Variants in ARHGAP24 observed in about 807,000 individuals in gnomAD.
ARHGAP24 encodes Rho GTPase activating protein 24, also known as rho GTPase-activating protein 24.
Under a neutral mutation model 76.4 loss-of-function variants are expected in ARHGAP24, and 50 were observed. The observed-to-expected ratio is 0.65, with a 90% confidence interval of 0.52 to 0.83. The LOEUF is 0.83. Among genes scored for constraint, ARHGAP24 ranks in the 40% least tolerant of loss-of-function variants. The probability of loss-of-function intolerance (pLI) is 0.00; values close to 1 mark genes in which losing one functional copy is unlikely to be tolerated. For synonymous variants in ARHGAP24, 345 were observed against 323.3 expected, an observed-to-expected ratio of 1.07 and a Z score of -0.72; for missense variants, 930 against 914.2, an observed-to-expected ratio of 1.02 and a Z score of -0.22.
chr4:85,994,517 C>T (rs960937224), intron 8 of ARHGAP24, 66 bp from the exon 9 acceptor site: 2 of 1,444,204 alleles, frequency 1.4e-6, no homozygotes, highest in African/African-American at 2.8e-5. Flanking sequence ...CTTTAAGAGT[C>T]ACATTGAAAT....
chr4:85,520,313 G>A (rs1724687781), intron 1 of ARHGAP24, among the ~76,000 whole-genome samples: 1 of 152,044 alleles, frequency 6.6e-6, no homozygotes, highest in African/African-American at 2.4e-5. Flanking sequence ...AGACACTGAT[G>A]GGCATCACAG....
At chr4:85,513,522 C>G (rs1208878367) in intron 1 of ARHGAP24, among the ~76,000 whole-genome samples, 1 of 151,794 alleles carries the variant, frequency 6.6e-6, no homozygotes. Flanking sequence ...TGTCCAGTTG[C>G]CTAAACACTC....
intron 3 of ARHGAP24, among the ~76,000 whole-genome samples, chr4:85,900,251 T>C (rs1184348032): frequency 6.6e-6 from 1 of 152,196 alleles, no homozygotes; most frequent in Admixed American, 6.5e-5. Flanking sequence ...ATTCTATCAG[T>C]ATATGTTCTC....
At chr4:85,590,254 TCCATCCCTCCATCCCTCCCAC>T (rs1728037528) in intron 2 of ARHGAP24, among the ~76,000 whole-genome samples, 1 of 142,202 alleles carries the variant, frequency 7.0e-6, no homozygotes, top group African/African-American at 2.6e-5. Flanking sequence ...CCCACCTCCC[TCCATCCCTCCATCCCTCCCAC>T]CCTTCCTTCC....
chr4:85,979,419 C>T lies in ARHGAP24; in HGVS notation c.928+1728C>T, dbSNP rs141833451. On this transcript the variant is annotated intron_variant, in intron 8 of 9. Coordinates refer to ENST00000395184, the MANE Select transcript of ARHGAP24 (RefSeq NM_001025616.3). ...TCACATAGTCTTGCAGCCATCACCG[C>T]CATCCATCTCCAGAGCTTTTTTACA... Among the ~76,000 whole-genome samples, 499 of 152,150 alleles carry T rather than the reference C, an allele frequency of 3.3e-3. 3 individuals carry two copies. The highest frequency in any genetic ancestry group is 0.011 in the African/African-American group (469 of 41,518).
At chr4:85,513,608 GGATTCTTTGACTACTA>G (rs1434402332) in intron 1 of ARHGAP24, among the ~76,000 whole-genome samples, 3 of 151,852 alleles carry the variant, frequency 2.0e-5, no homozygotes, top group Admixed American at 1.3e-4. Context: ...CTCTTGGTCA[GGATTCTTTGACTACTA>G]AAGACAGAAA....
At chr4:85,826,984 GAAGATCAAA>G (rs1316110620) in intron 3 of ARHGAP24, among the ~76,000 whole-genome samples, 1 of 152,150 alleles carries the variant, frequency 6.6e-6, no homozygotes, top group African/African-American at 2.4e-5. Context: ...CCACTTCTAA[GAAGATCAAA>G]ATATGAGAAA....
chr4:85,742,566 C>G (rs1352434914), intron 3 of ARHGAP24, among the ~76,000 whole-genome samples: 1 of 152,142 alleles, frequency 6.6e-6, no homozygotes, highest in Admixed American at 6.6e-5. Context: ...AATTGAATGT[C>G]TGCATCAGAT....
At chr4:85,747,616 T>C (rs1046884153) in intron 3 of ARHGAP24, among the ~76,000 whole-genome samples, 1 of 152,058 alleles carries the variant, frequency 6.6e-6, no homozygotes, top group Non-Finnish European at 1.5e-5. Flanking sequence ...GGCAGGAGAA[T>C]GGCGTGAACC....
intron 2 of ARHGAP24, among the ~76,000 whole-genome samples, chr4:85,697,951 C>T (rs1391384848): frequency 6.6e-6 from 1 of 152,170 alleles, no homozygotes; most frequent in Non-Finnish European, 1.5e-5. Flanking sequence ...ATTTTCATTT[C>T]ATGTTCATTG....
Position 85,495,524 on chromosome 4 carries a change from T to A in ARHGAP24, c.-21+19965T>A, listed in dbSNP as rs185196485. 3.3e-3 allele frequency among the ~76,000 whole-genome samples: 489 copies of A among 149,090 alleles called. 3 individuals carry two copies. Among genetic ancestry groups the A allele is most frequent in the African/African-American group, 0.011 (462 of 40,920 alleles). ...CGCCACCACGCCCAGCTAATTTTTT[T>A]ATATTTTTAGTAGAGACGGGTTTTC... On this transcript the variant is annotated intron_variant, in intron 1 of 9. Transcript: ENST00000395184.
At chr4:85,812,602 T>C (rs1403843691) in intron 3 of ARHGAP24, among the ~76,000 whole-genome samples, 1 of 152,168 alleles carries the variant, frequency 6.6e-6, no homozygotes, top group Admixed American at 6.5e-5. Context: ...TTGTCAATAA[T>C]AGGAAAGTCT....
chr4:85,719,067 A>T (rs1724835045), intron 2 of ARHGAP24, among the ~76,000 whole-genome samples: 1 of 152,190 alleles, frequency 6.6e-6, no homozygotes, highest in South Asian at 2.1e-4. Context: ...TAAAACTGAG[A>T]TAAATCACAA....
At chr4:85,595,447 C>A (rs1379915537) in intron 2 of ARHGAP24, among the ~76,000 whole-genome samples, 1 of 152,028 alleles carries the variant, frequency 6.6e-6, no homozygotes, top group Non-Finnish European at 1.5e-5. Flanking sequence ...AAGAACCAAG[C>A]CAAGCTTACC....
chr4:85,983,739 C>A (rs918746344), intron 8 of ARHGAP24, among the ~76,000 whole-genome samples: 1 of 152,064 alleles, frequency 6.6e-6, no homozygotes, highest in African/African-American at 2.4e-5. Context: ...ATGCAGTGTC[C>A]CTCAAAACTC....
chr4:85,858,160 A>T (rs1473013), intron 3 of ARHGAP24, among the ~76,000 whole-genome samples: 72,396 of 152,028 alleles, frequency 0.48, 18,742 homozygotes, highest in East Asian at 0.86. Flanking sequence ...CATTCAATAA[A>T]TGTTTATTTA....
At chr4:85,491,158 A>G (rs980337411) in intron 1 of ARHGAP24, among the ~76,000 whole-genome samples, 3 of 152,202 alleles carry the variant, frequency 2.0e-5, no homozygotes, top group African/African-American at 7.2e-5. Flanking sequence ...AAAATGGTGC[A>G]TAATACCAAA....
At chr4:85,907,797 T>C (rs80048613) in intron 3 of ARHGAP24, among the ~76,000 whole-genome samples, 2,388 of 152,312 alleles carry the variant, frequency 0.016, 45 homozygotes, top group East Asian at 0.11. Flanking sequence ...CATATATTAT[T>C]GTTTAAGATG....
chr4:85,857,078 T>C (rs2110171105), intron 3 of ARHGAP24, among the ~76,000 whole-genome samples: 1 of 152,328 alleles, frequency 6.6e-6, no homozygotes, highest in South Asian at 2.1e-4. Context: ...ATAATACTTC[T>C]GGAATATACT....
Sources: gnomAD v4.1 joint callset for allele counts (sites outside exome capture counted in the v4.1 genomes callset) on GRCh38, gnomAD v4.1.1 for gene constraint, MANE v1.5 for transcripts, NCBI Gene and HGNC (gene_info 2026-07-23, HGNC 2026-07-21) for gene names.